NID1: variants seen among roughly 807,000 people sequenced by gnomAD.
NID1 encodes nidogen-1.
Under a neutral mutation model 130.6 loss-of-function variants are expected in NID1, and 76 were observed. The ratio of observed to expected loss-of-function variants is 0.58; its 90% confidence interval spans 0.48 to 0.70. The LOEUF is 0.70. Among genes scored for constraint, NID1 ranks in the 30% least tolerant of loss-of-function variants. NID1 has a pLI of 0.00. For synonymous variants in NID1, 665 were observed against 675.1 expected (o/e 0.98, Z 0.23); for missense variants, 1,517 against 1,664.8 (o/e 0.91, Z 1.54).
chr1:236,023,695 A>G (rs546576486), intron 9 of NID1, among the ~76,000 whole-genome samples: 2 of 152,348 alleles, frequency 1.3e-5, no homozygotes, highest in East Asian at 3.9e-4. Flanking sequence ...TTGGAGAATT[A>G]AATGAGATGA....
chr1:236,011,881 G>A, intron 12 of NID1, 40 bp downstream of exon 12: 1 of 1,610,796 alleles, frequency 6.2e-7, no homozygotes, highest in East Asian at 2.2e-5. Flanking sequence ...TTCATGGACA[G>A]GGCAATGGGC....
intron 12 of NID1, among the ~76,000 whole-genome samples, chr1:235,998,600 A>T (rs1255819377): frequency 6.6e-6 from 1 of 152,012 alleles, no homozygotes; most frequent in South Asian, 2.1e-4. Context: ...ATTTGAACCC[A>T]GGAGGCAGAG....
At position 235,979,763 on chromosome 1, in the gene NID1, C is replaced by A; in HGVS notation, c.3509+59G>T. ...GGCCAGATGGGAAGGGCCTGGCCTC[C>A]CAGAGACAGTGGGTGGAGGGGCAGG... On this transcript the variant is annotated intron_variant, in intron 18 of 19. Transcript: ENST00000264187. This position sits in a 1 kb window ranked among gnomAD's most constrained non-coding sequence, Gnocchi z 4.6. 3 of 1,600,818 alleles carry A rather than the reference C, an allele frequency of 1.9e-6. No homozygotes were observed. The highest frequency in any genetic ancestry group is 2.6e-6 in the Non-Finnish European group (3 of 1,171,010).
intron 7 of NID1, among the ~76,000 whole-genome samples, chr1:236,028,902 C>A (rs190003049): frequency 6.6e-6 from 1 of 152,058 alleles, no homozygotes; most frequent in African/African-American, 2.4e-5. Flanking sequence ...TGTGGCCGGG[C>A]GCAGTTGCTC....
At chr1:236,024,337 G>T in intron 8 of NID1, 124 bp from the exon 9 acceptor site, 1 of 1,138,000 alleles carries the variant, frequency 8.8e-7, no homozygotes, top group Non-Finnish European at 1.2e-6. Context: ...AGAGTGGAAT[G>T]GGACACCAGC....
At chr1:236,022,210 T>C (rs997369074) in intron 9 of NID1, among the ~76,000 whole-genome samples, 2 of 151,804 alleles carry the variant, frequency 1.3e-5, no homozygotes, top group African/African-American at 4.8e-5. Context: ...GAGGCTGGAG[T>C]GAGCCAAGAT....
intron 12 of NID1, among the ~76,000 whole-genome samples, chr1:236,009,339 C>T (rs1658342038): frequency 6.6e-6 from 1 of 152,184 alleles, no homozygotes; most frequent in African/African-American, 2.4e-5. Flanking sequence ...CTCAGCACGT[C>T]GATCTCAGAC....
chr1:235,998,718 G>A (rs191636988), intron 12 of NID1, among the ~76,000 whole-genome samples: 4 of 152,208 alleles, frequency 2.6e-5, no homozygotes, highest in Admixed American at 6.5e-5. Flanking sequence ...AATGTAAAAC[G>A]TGTTTACTTC....
chr1:236,034,984 C>CTTTTTTTT (rs1659209858), intron 5 of NID1, among the ~76,000 whole-genome samples: 1 of 144,168 alleles, frequency 6.9e-6, no homozygotes, highest in African/African-American at 2.6e-5. Flanking sequence ...TTTTTTTTTT[C>CTTTTTTTT]TTTCTTTCTT....
At position 236,049,056 on chromosome 1, in the gene NID1, C is replaced by T. The variant is rs888228979; in HGVS notation, c.226-67G>A. ...GTCCTTTCTCAGTAAGACTGAGCAC[C>T]CACTCCTAGAATACTGTCAGCTGTA... On this transcript the variant is annotated intron_variant, in intron 1 of 19. Coordinates refer to ENST00000264187, the MANE Select transcript of NID1 (RefSeq NM_002508.3). The T allele has an allele frequency of 4.7e-6, 7 of 1,476,662 alleles. No individual in the cohort carries two copies. The African/African-American group carries it at 9.9e-5, about 21-fold the overall frequency. 91.5% of individuals were successfully genotyped at this position (1,476,662 alleles called of 1,614,324 possible).
intron 7 of NID1, among the ~76,000 whole-genome samples, chr1:236,028,340 A>G (rs1368784473): frequency 2.6e-5 from 4 of 152,206 alleles, no homozygotes; most frequent in African/African-American, 9.7e-5. Flanking sequence ...GCAAAACCCC[A>G]TCTGTACAAA....
intron 1 of NID1, among the ~76,000 whole-genome samples, chr1:236,064,409 A>G (rs1660130111): frequency 6.6e-6 from 1 of 152,224 alleles, no homozygotes; most frequent in Non-Finnish European, 1.5e-5. Flanking sequence ...CAGCCACAAG[A>G]GTCCCGGGGC....
intron 4 of NID1, 69 bp downstream of exon 4, chr1:236,041,841 C>T: frequency 6.5e-7 from 1 of 1,532,956 alleles, no homozygotes. Context: ...TGACATCTCC[C>T]CAGCAGTACG....
intron 12 of NID1, among the ~76,000 whole-genome samples, chr1:235,997,534 A>G (rs977702778): frequency 6.6e-6 from 1 of 151,958 alleles, no homozygotes; most frequent in African/African-American, 2.4e-5. Context: ...GTAATCACAT[A>G]GACTAGAATA....
chr1:236,049,238 C>T (rs1020939629), intron 1 of NID1, among the ~76,000 whole-genome samples: 17 of 152,060 alleles, frequency 1.1e-4, no homozygotes. Context: ...GTAATCACTC[C>T]CTACCAGGAC....
intron 12 of NID1, among the ~76,000 whole-genome samples, chr1:235,996,384 G>A (rs975717878): frequency 6.6e-6 from 1 of 152,112 alleles, no homozygotes; most frequent in Admixed American, 6.5e-5. Flanking sequence ...GGAATGCCTA[G>A]GTGCTTTTTT....
chr1:236,013,649 T>C (rs1658500135), intron 10 of NID1, 89 bp from the exon 11 acceptor site: 4 of 1,496,308 alleles, frequency 2.7e-6, no homozygotes, highest in Admixed American at 3.7e-5. Flanking sequence ...AGAGAGACCA[T>C]GCCTGGACCC....
At chr1:236,048,346 A>AAAAG (rs1553349475) in intron 2 of NID1, among the ~76,000 whole-genome samples, 1 of 151,160 alleles carries the variant, frequency 6.6e-6, no homozygotes, top group Non-Finnish European at 1.5e-5. Context: ...AAAAAAAAGA[A>AAAAG]AAATAAATAA....
At chr1:235,995,142 A>G (rs1323677290) in intron 12 of NID1, among the ~76,000 whole-genome samples, 4 of 152,232 alleles carry the variant, frequency 2.6e-5, no homozygotes, top group Non-Finnish European at 5.9e-5. Context: ...CAGATTGAAA[A>G]TATTTGGAAA....
Sources: allele counts gnomAD v4.1 joint callset (sites outside exome capture counted in the v4.1 genomes callset), GRCh38; gene constraint gnomAD v4.1.1; non-coding constraint Gnocchi (gnomAD v3.1); transcripts MANE v1.5; gene names NCBI Gene and HGNC (gene_info 2026-07-23, HGNC 2026-07-21).